The following GLCCI1 variants were observed in gnomAD, a reference collection of about 807,000 sequenced individuals.
GLCCI1 encodes glucocorticoid-induced transcript 1 protein.
A neutral mutation model predicts 52.2 loss-of-function variants in GLCCI1; 24 were observed. The observed-to-expected ratio is 0.46, with a 90% CI of 0.33 to 0.65. The LOEUF is 0.65. GLCCI1 is among the 30% of genes least tolerant of loss of function. The pLI is 0.02. For synonymous variants in GLCCI1, 310 were observed against 276.5 expected (o/e 1.12, Z -1.20); for missense variants, 704 against 701.5 (o/e 1.00, Z -0.04).
chr7:8,049,864 A>G (rs1301937419), intron 3 of GLCCI1, among the ~76,000 whole-genome samples: 1 of 152,194 alleles, frequency 6.6e-6, no homozygotes, highest in Non-Finnish European at 1.5e-5. Flanking sequence ...CACATTGGGA[A>G]GGTACTTTGT....
chr7:7,982,167 A>T (rs1014518190), intron 1 of GLCCI1: 1 of 321,596 alleles, frequency 3.1e-6, no homozygotes, highest in African/African-American at 2.2e-5. Context: ...AGAAAGGAGT[A>T]AAAAGAGACT....
chr7:7,992,220 T>C (rs1011423539), intron 1 of GLCCI1, among the ~76,000 whole-genome samples: 10 of 151,882 alleles, frequency 6.6e-5, no homozygotes, highest in Admixed American at 5.9e-4. Flanking sequence ...AATTCAAATG[T>C]GTTGAGAGGG....
intron 1 of GLCCI1, among the ~76,000 whole-genome samples, chr7:7,983,682 C>T (rs1780666764): frequency 6.6e-6 from 1 of 152,080 alleles, no homozygotes; most frequent in Non-Finnish European, 1.5e-5. Context: ...GTGATTTGAA[C>T]CCAGCTACAT....
chr7:8,007,562 A>C (rs1182583140), intron 2 of GLCCI1, among the ~76,000 whole-genome samples: 1 of 150,840 alleles, frequency 6.6e-6, no homozygotes, highest in Non-Finnish European at 1.5e-5. Context: ...AGATGAACAT[A>C]TGAGATACTT....
intron 1 of GLCCI1, among the ~76,000 whole-genome samples, chr7:7,988,870 AT>A (rs1479536372): frequency 6.6e-6 from 1 of 151,900 alleles, no homozygotes; most frequent in Admixed American, 6.6e-5. Context: ...GCAGTTCTGT[AT>A]TTTTTTCTTT....
chr7:8,056,821 G>A (rs552460400), intron 4 of GLCCI1, among the ~76,000 whole-genome samples: 4 of 152,220 alleles, frequency 2.6e-5, no homozygotes, highest in South Asian at 2.1e-4. Context: ...TGCAAATACA[G>A]TAAGATCCTA....
At chr7:8,056,535 C>T (rs1782402325) in intron 4 of GLCCI1, among the ~76,000 whole-genome samples, 1 of 152,154 alleles carries the variant, frequency 6.6e-6, no homozygotes, top group Admixed American at 6.5e-5. Flanking sequence ...GAAGTAAATA[C>T]TAACATATCC....
chr7:7,980,760 C>G, intron 1 of GLCCI1: 1 of 689,718 alleles, frequency 1.4e-6, no homozygotes. Context: ...TTGATGGTAC[C>G]ATACAGTATT....
intron 2 of GLCCI1, among the ~76,000 whole-genome samples, chr7:8,020,873 A>G (rs1368754001): frequency 3.3e-5 from 5 of 152,322 alleles, no homozygotes; most frequent in African/African-American, 9.6e-5. Context: ...TAAGGATACA[A>G]TGATTTGGAG....
intron 5 of GLCCI1, among the ~76,000 whole-genome samples, chr7:8,061,087 C>T (rs1290798737): frequency 6.6e-6 from 1 of 150,698 alleles, no homozygotes; most frequent in Admixed American, 6.6e-5. Flanking sequence ...AGCATCTTTT[C>T]ATGTGCTAGT....
chr7:7,969,732 C>A lies in GLCCI1; in HGVS notation c.382C>A (p.Pro128Thr), dbSNP rs950671174. 2 of 1,444,784 alleles carry A rather than the reference C, an allele frequency of 1.4e-6. No homozygotes were observed. Among genetic ancestry groups the A allele is most frequent in the Non-Finnish European group, 9.1e-7 (1 of 1,099,708 alleles). The allele number at this position is 1,444,784 out of a possible 1,614,324, so 89.5% of individuals were successfully genotyped here. The stretch of plus-strand genomic sequence containing the variant: ...GCAGGCGCCGCGGGCCAAGGGCCGC[C>A]CGAGACGGTCCCCAGAGAGCCACCG... ...AEQAPRAKGR[P>T]RRSPESHRRS... The change falls in exon 1 of 8, where the codon CCG becomes ACG. Residue 128 changes from proline to threonine, a missense_variant. By Grantham distance (38) the Pro-to-Thr change is conservative. Around this residue, in one of 3 missense-constraint regions of GLCCI1, gnomAD observed 547 missense variants for 524.8 expected, o/e 1.04. Transcript: ENST00000223145. This position sits in a 1 kb window ranked among gnomAD's most constrained non-coding sequence, Gnocchi z 4.9.
chr7:8,065,190 T>C (rs1215139825), intron 5 of GLCCI1, among the ~76,000 whole-genome samples: 3 of 152,208 alleles, frequency 2.0e-5, no homozygotes, highest in Non-Finnish European at 4.4e-5. Context: ...GATTGTGTTC[T>C]GTATTTGTCT....
At chr7:8,008,014 GAC>G (rs953639775) in intron 2 of GLCCI1, among the ~76,000 whole-genome samples, 9 of 152,144 alleles carry the variant, frequency 5.9e-5, no homozygotes, top group African/African-American at 1.9e-4. Context: ...CAGCATGGTA[GAC>G]ACACACACAT....
At chr7:7,982,122 G>GTAA in intron 1 of GLCCI1, 1 of 404,784 alleles carries the variant, frequency 2.5e-6, no homozygotes, top group South Asian at 2.1e-5. Flanking sequence ...TATAGTAATA[G>GTAA]TCACAAATCC....
intron 2 of GLCCI1, 114 bp downstream of exon 2, chr7:8,004,173 G>T: frequency 3.3e-6 from 3 of 914,470 alleles, no homozygotes; most frequent in South Asian, 2.3e-5. Context: ...ATCCAACCAA[G>T]GAAGAAAGGA....
chr7:8,053,692 A>G (rs1272956992), intron 3 of GLCCI1, among the ~76,000 whole-genome samples: 3 of 152,126 alleles, frequency 2.0e-5, no homozygotes, highest in Non-Finnish European at 4.4e-5. Flanking sequence ...TCAAGTTTAA[A>G]TTAGGCATCT....
chr7:8,026,574 C>T (rs568678485), intron 3 of GLCCI1, among the ~76,000 whole-genome samples: 11 of 152,380 alleles, frequency 7.2e-5, no homozygotes, highest in Middle Eastern at 3.4e-3. Flanking sequence ...CCCTCCATTC[C>T]CTGGCAGCAG....
intron 6 of GLCCI1, among the ~76,000 whole-genome samples, chr7:8,084,398 CTTG>C (rs770339727): frequency 2.0e-5 from 3 of 152,022 alleles, no homozygotes; most frequent in Non-Finnish European, 2.9e-5. Flanking sequence ...ATTTTATAAA[CTTG>C]TTTTTTTCCC....
intron 6 of GLCCI1, among the ~76,000 whole-genome samples, chr7:8,080,269 C>A (rs1229880140): frequency 6.6e-6 from 1 of 151,356 alleles, no homozygotes; most frequent in African/African-American, 2.5e-5. Context: ...TTCAGTCAAT[C>A]ATATTTCTAA....
Sources: allele counts gnomAD v4.1 joint callset (sites outside exome capture counted in the v4.1 genomes callset), GRCh38; gene constraint gnomAD v4.1.1; regional missense constraint gnomAD v4.1.1; non-coding constraint Gnocchi (gnomAD v3.1); transcripts MANE v1.5; gene names NCBI Gene and HGNC (gene_info 2026-07-23, HGNC 2026-07-21).